The following CDKN2B-AS1 variants were observed in gnomAD, a reference collection of about 807,000 sequenced individuals.
The protein encoded by CDKN2B-AS1 is CDKN2B antisense RNA 1 (non-protein coding).
intron 4 of CDKN2B-AS1, among the ~76,000 whole-genome samples, chr9:22,059,875 TCCACC>T (rs1823739698): frequency 6.6e-6 from 1 of 152,224 alleles, no homozygotes; most frequent in South Asian, 2.1e-4. Context: ...GCTTGGGGCT[TCCACC>T]CTCTGAAGCC....
At chr9:22,020,086 A>G (rs528941169) in intron 1 of CDKN2B-AS1, among the ~76,000 whole-genome samples, 1 of 152,230 alleles carries the variant, frequency 6.6e-6, no homozygotes, top group South Asian at 2.1e-4. Context: ...ATGTGTTCTC[A>G]TCATTTATCT....
At position 22,022,787 on chromosome 9, in the gene CDKN2B-AS1, T is replaced by A. The variant is rs7039304; in HGVS notation, n.30-23964T>A. On this transcript the variant is annotated intron_variant and non_coding_transcript_variant, in intron 1 of 4. Transcript: ENST00000650946. ...AATGGTCTTTCCTTTCCACAATTAGTGCTTCCTTCAGGAGCTCTTGTAAGG... is the reference window on the plus strand; with the variant it reads ...AATGGTCTTTCCTTTCCACAATTAGAGCTTCCTTCAGGAGCTCTTGTAAGG... 9.0e-3 allele frequency among the ~76,000 whole-genome samples: 1,369 copies of A among 152,336 alleles called. 109 individuals carry two copies. The East Asian group carries it at 0.2, about 22-fold the overall frequency.
chr9:22,101,968 T>C (rs1457799092), intron 4 of CDKN2B-AS1, among the ~76,000 whole-genome samples: 1 of 152,176 alleles, frequency 6.6e-6, no homozygotes, highest in Non-Finnish European at 1.5e-5. Context: ...AAGGATCCGT[T>C]AGCTCCAGAG....
At chr9:22,026,578 G>T (rs1475254740) in intron 1 of CDKN2B-AS1, among the ~76,000 whole-genome samples, 9 of 152,208 alleles carry the variant, frequency 5.9e-5, no homozygotes, top group African/African-American at 2.4e-5. Context: ...AAGCCAGTGG[G>T]TCTTATCCTG....
At position 22,006,155 on chromosome 9, in the gene CDKN2B-AS1, C is replaced by G. The variant is rs142570894; in HGVS notation, n.29+10994C>G. 2 of 1,611,650 alleles carry G rather than the reference C, an allele frequency of 1.2e-6. No individual in the cohort carries two copies. The highest frequency in any genetic ancestry group is 1.3e-5 in the African/African-American group (1 of 75,046). ...AGCCCTCCCGGGCAGCATCATGCAC[C>G]GGTCGGGTGAGAGTGGCAGGGTCTG... On this transcript the variant is annotated intron_variant and non_coding_transcript_variant, in intron 1 of 4. Transcript: ENST00000650946. This position sits in a 1 kb window ranked among gnomAD's most constrained non-coding sequence, Gnocchi z 6.4.
intron 1 of CDKN2B-AS1, among the ~76,000 whole-genome samples, chr9:22,019,280 A>G (rs1427983799): frequency 6.6e-6 from 1 of 152,240 alleles, no homozygotes; most frequent in East Asian, 1.9e-4. Flanking sequence ...TTTAAAAAAT[A>G]CTTGGAATGC....
At chr9:22,026,998 G>A (rs1185204804) in intron 1 of CDKN2B-AS1, among the ~76,000 whole-genome samples, 1 of 152,110 alleles carries the variant, frequency 6.6e-6, no homozygotes, top group East Asian at 1.9e-4. Context: ...TTCCTGCCTT[G>A]ATTTGCTCTG....
chr9:22,086,897 A>T (rs540074563), intron 4 of CDKN2B-AS1, among the ~76,000 whole-genome samples: 6 of 152,344 alleles, frequency 3.9e-5, no homozygotes, highest in African/African-American at 1.4e-4. Flanking sequence ...TTTTTCCAAC[A>T]TTAATTATCA....
chr9:22,088,968 C>T (rs1210930767), intron 4 of CDKN2B-AS1, among the ~76,000 whole-genome samples: 2 of 152,162 alleles, frequency 1.3e-5, no homozygotes, highest in Non-Finnish European at 2.9e-5. Context: ...AGCAGCATAC[C>T]ACACACCTGC....
At chr9:22,072,389 A>T (rs57108361) in intron 4 of CDKN2B-AS1, among the ~76,000 whole-genome samples, 1,963 of 152,308 alleles carry the variant, frequency 0.013, 40 homozygotes, top group African/African-American at 0.045. Context: ...CTGGAAAATG[A>T]CCCTGGAGCT....
At chr9:22,012,111 A>G in intron 1 of CDKN2B-AS1, 1 of 829,988 alleles carries the variant, frequency 1.2e-6, no homozygotes, top group Non-Finnish European at 2.0e-6. Flanking sequence ...CAGATCTGCC[A>G]TCCTCTTTTT....
chr9:22,115,907 C>A (rs1825937336), intron 4 of CDKN2B-AS1, among the ~76,000 whole-genome samples: 1 of 152,126 alleles, frequency 6.6e-6, no homozygotes, highest in Admixed American at 6.5e-5. Context: ...ATCATGAGAA[C>A]TCAAAGATAC....
At chr9:22,047,767 T>C (rs779543312) in intron 2 of CDKN2B-AS1, among the ~76,000 whole-genome samples, 2 of 152,024 alleles carry the variant, frequency 1.3e-5, no homozygotes, top group Non-Finnish European at 1.5e-5. Flanking sequence ...TTAGACACTG[T>C]TGATGAGAAA....
intron 1 of CDKN2B-AS1, among the ~76,000 whole-genome samples, chr9:22,014,775 A>G (rs1821668528): frequency 9.3e-6 from 1 of 107,956 alleles, no homozygotes; most frequent in South Asian, 4.3e-4. Flanking sequence ...CCACCCCACA[A>G]CAGTCCCCAG....
intron 4 of CDKN2B-AS1, among the ~76,000 whole-genome samples, chr9:22,073,027 A>T (rs1028841411): frequency 1.3e-5 from 2 of 152,140 alleles, no homozygotes; most frequent in African/African-American, 4.8e-5. Flanking sequence ...AATATTACAG[A>T]CCATTCCTTT....
chr9:22,117,145 A>G (rs1285887482), intron 4 of CDKN2B-AS1, among the ~76,000 whole-genome samples: 4 of 152,256 alleles, frequency 2.6e-5, no homozygotes, highest in Non-Finnish European at 4.4e-5. Flanking sequence ...GGTGTTTACT[A>G]TAATAAACCT....
Position 22,061,085 on chromosome 9 carries a change from A to G in CDKN2B-AS1, n.438+4698A>G, listed in dbSNP as rs1475033637. On this transcript the variant is annotated intron_variant and non_coding_transcript_variant, in intron 4 of 4. Transcript: ENST00000650946. ...TACTGATAATTAATATCTGGTCTGG[A>G]AGTGAAGCACATTTCTTTTTCTTGC... 3.3e-5 allele frequency among the ~76,000 whole-genome samples: 5 copies of G among 152,230 alleles called. No individual in the cohort carries two copies. The East Asian group carries it at 9.6e-4, about 29-fold the overall frequency.
chr9:22,044,577 T>C (rs1374804917), intron 1 of CDKN2B-AS1, among the ~76,000 whole-genome samples: 3 of 152,006 alleles, frequency 2.0e-5, no homozygotes, highest in Non-Finnish European at 4.4e-5. Context: ...GAAGTTCACA[T>C]TAAAAATTGT....
intron 4 of CDKN2B-AS1, among the ~76,000 whole-genome samples, chr9:22,066,941 C>A (rs1384220489): frequency 3.9e-5 from 6 of 152,074 alleles, no homozygotes; most frequent in African/African-American, 1.4e-4. Flanking sequence ...TGGAAACCAT[C>A]ATTCTGAGCA....
Sources: allele counts gnomAD v4.1 joint callset (sites outside exome capture counted in the v4.1 genomes callset), GRCh38; gene constraint gnomAD v4.1.1; non-coding constraint Gnocchi (gnomAD v3.1); transcripts MANE v1.5; gene names NCBI Gene and HGNC (gene_info 2026-07-23, HGNC 2026-07-21).